The following PCDHA3 variants were observed in gnomAD, a reference collection of about 807,000 sequenced individuals.
PCDHA3 encodes protocadherin alpha-3.
In PCDHA3, 41 loss-of-function variants were observed where a neutral mutation model predicts 62.2. That is an observed-to-expected ratio of 0.66 (90% CI 0.51 to 0.86). The LOEUF (loss-of-function observed/expected upper bound fraction) is 0.86. Among genes scored for constraint, PCDHA3 ranks in the 40% least tolerant of loss-of-function variants. The pLI is 0.00. For missense variants in PCDHA3, 1,304 were observed against 1,241.2 expected (o/e 1.05, Z -0.76); for synonymous variants, 640 against 555.4 (o/e 1.15, Z -2.14).
chr5:140,848,035 A>G (rs1554141975), intron 1 of PCDHA3: 1 of 158,990 alleles, frequency 6.3e-6, no homozygotes, highest in African/African-American at 2.4e-5. Flanking sequence ...TGATTGCTCA[A>G]TGGAATCATT....
In PCDHA3 at chr5:140,849,626, A is replaced by C. The variant is rs141672026; in HGVS notation, c.2394+46035A>C. ...TTGCCCTGATTAGTGTGATCGACCT[A>C]GACGCAGATGCCAACGGGCAGGTTA... On this transcript the variant is annotated intron_variant, in intron 1 of 3. Transcript: ENST00000522353. 6.8e-4 allele frequency: 1,095 copies of C among 1,598,786 alleles called. 108 individuals carry two copies. The highest frequency in any genetic ancestry group is 1.2e-3 in the South Asian group (106 of 90,568).
chr5:140,807,787 A>T, intron 1 of PCDHA3: 1 of 1,614,148 alleles, frequency 6.2e-7, no homozygotes, highest in South Asian at 1.1e-5. Context: ...GGAAATCTTT[A>T]GACAGAGAAG....
chr5:140,815,145 C>A (rs1765664554), intron 1 of PCDHA3: 1 of 152,056 alleles, frequency 6.6e-6, no homozygotes, highest in South Asian at 2.1e-4. Flanking sequence ...AATTCAACCA[C>A]TTTGTATCTT....
rs2041307506 is a variant in PCDHA3 at position 140,850,030 on chromosome 5, C to A, written c.2394+46439C>A. 3.8e-6 allele frequency: 6 copies of A among 1,596,712 alleles called. 2 individuals carry two copies. The highest frequency in any genetic ancestry group is 5.1e-6 in the Non-Finnish European group (6 of 1,167,808). On this transcript the variant is annotated intron_variant, in intron 1 of 3. Coordinates refer to ENST00000522353, the MANE Select transcript of PCDHA3 (RefSeq NM_018906.3). ...CTGTCGAGCTACGTGTCAGTGCACG[C>A]GGAGAGCGGCAAGGTGTACGCGCTG...
chr5:140,928,372 G>T (rs782494631), intron 1 of PCDHA3: 5 of 1,614,136 alleles, frequency 3.1e-6, no homozygotes, highest in Non-Finnish European at 4.2e-6. Flanking sequence ...AGGGCCATCA[G>T]CCTCTAGCTT....
At chr5:140,869,922 C>T in intron 1 of PCDHA3, 1 of 1,611,202 alleles carries the variant, frequency 6.2e-7, no homozygotes, top group Non-Finnish European at 8.5e-7. Flanking sequence ...ACGAAGGAGT[C>T]AATGGAGAGG....
intron 1 of PCDHA3, among the ~76,000 whole-genome samples, chr5:140,941,955 A>G (rs1424348103): frequency 1.3e-5 from 2 of 152,216 alleles, no homozygotes; most frequent in Non-Finnish European, 2.9e-5. Flanking sequence ...TTTGAAAACA[A>G]TAGTATCTTT....
chr5:140,940,076 T>C (rs1469877434), intron 1 of PCDHA3, among the ~76,000 whole-genome samples: 2 of 152,230 alleles, frequency 1.3e-5, no homozygotes, highest in Non-Finnish European at 2.9e-5. Flanking sequence ...ATGTGATATC[T>C]TTCTGCTAAA....
At chr5:141,008,299 C>T (rs1223779122) in intron 3 of PCDHA3, among the ~76,000 whole-genome samples, 2 of 152,120 alleles carry the variant, frequency 1.3e-5, no homozygotes, top group Non-Finnish European at 2.9e-5. Flanking sequence ...TGTACCCAAC[C>T]CTAAACTGTA....
At chr5:140,920,960 A>C (rs1554200006) in intron 1 of PCDHA3, among the ~76,000 whole-genome samples, 1 of 151,930 alleles carries the variant, frequency 6.6e-6, no homozygotes, top group Admixed American at 6.6e-5. Flanking sequence ...CTACACATGT[A>C]GTACTAGAGT....
At chr5:140,995,267 C>T (rs552857413) in intron 3 of PCDHA3, among the ~76,000 whole-genome samples, 1 of 152,192 alleles carries the variant, frequency 6.6e-6, no homozygotes, top group Non-Finnish European at 1.5e-5. Context: ...GAATACAAGC[C>T]CTTTGATACC....
In PCDHA3 at chr5:140,836,671, G is replaced by T. The variant is rs146098956; in HGVS notation, c.2394+33080G>T. Reference sequence around the variant, plus strand: ...CGGCAGAGGGTGTGCTCTGGGGAGGGCCCACCCAAGACAGACCTCATGGCC... The same window carrying T: ...CGGCAGAGGGTGTGCTCTGGGGAGGTCCCACCCAAGACAGACCTCATGGCC... On this transcript the variant is annotated intron_variant, in intron 1 of 3. Transcript: ENST00000522353. 4.3e-6 allele frequency: 7 copies of T among 1,613,400 alleles called. 1 individual carries two copies. The highest frequency in any genetic ancestry group is 5.9e-6 in the Non-Finnish European group (7 of 1,179,594).
intron 1 of PCDHA3, among the ~76,000 whole-genome samples, chr5:140,957,475 A>G (rs2095362490): frequency 6.6e-6 from 1 of 152,192 alleles, no homozygotes; most frequent in Non-Finnish European, 1.5e-5. Flanking sequence ...ATGTATAGGA[A>G]AAAACATAGT....
At chr5:140,839,492 T>A (rs1240592123) in intron 1 of PCDHA3, among the ~76,000 whole-genome samples, 2 of 151,944 alleles carry the variant, frequency 1.3e-5, no homozygotes, top group Non-Finnish European at 2.9e-5. Context: ...TGGGCTCAAG[T>A]GATCTTCCTA....
At chr5:140,835,676 C>T (rs1554135187) in intron 1 of PCDHA3, 1 of 1,613,896 alleles carries the variant, frequency 6.2e-7, no homozygotes. Flanking sequence ...GGGACGGGGG[C>T]TCGCCTTCTC....
Position 140,843,638 on chromosome 5 carries a change from A to G in PCDHA3, c.2394+40047A>G, listed in dbSNP as rs2150364336. On this transcript the variant is annotated intron_variant, in intron 1 of 3. Transcript: ENST00000522353. ...ACCGAAGACGGACCTCATGGCCTTC[A>G]GCCCCTGCCTTCCTCCTGATCTGGG... 6.9e-6 allele frequency: 11 copies of G among 1,595,882 alleles called. 1 individual carries two copies. In the African/African-American group the frequency reaches 9.4e-5, roughly 14 times the overall value.
chr5:140,863,149 G>T, intron 1 of PCDHA3: 1 of 617,002 alleles, frequency 1.6e-6, no homozygotes, highest in Non-Finnish European at 3.1e-6. Context: ...GCTGGTGAAG[G>T]ACCACTGCGA....
At chr5:140,977,284 G>T (rs1377580391) in intron 1 of PCDHA3, among the ~76,000 whole-genome samples, 1 of 152,210 alleles carries the variant, frequency 6.6e-6, no homozygotes, top group Admixed American at 6.5e-5. Flanking sequence ...TCAAAGGAAG[G>T]TTCTCTCAGC....
At chr5:140,829,296 A>G in intron 1 of PCDHA3, 6 of 1,614,222 alleles carry the variant, frequency 3.7e-6, no homozygotes, top group Non-Finnish European at 5.1e-6. Context: ...TCCACCTTCA[A>G]GAATTACTAC....
Sources: allele counts gnomAD v4.1 joint callset (sites outside exome capture counted in the v4.1 genomes callset), GRCh38; gene constraint gnomAD v4.1.1; transcripts MANE v1.5; gene names NCBI Gene and HGNC (gene_info 2026-07-23, HGNC 2026-07-21).